PCDHA3: variants seen among roughly 807,000 people sequenced by gnomAD.
The protein encoded by PCDHA3 is protocadherin alpha-3.
A neutral mutation model predicts 62.2 loss-of-function variants in PCDHA3; 41 were observed. The ratio of observed to expected loss-of-function variants is 0.66; its 90% CI spans 0.51 to 0.86. The LOEUF (loss-of-function observed/expected upper bound fraction) is 0.86. PCDHA3 is among the 40% of genes least tolerant of loss of function. The pLI, the probability that PCDHA3 is intolerant of heterozygous loss-of-function variation, is 0.00. For synonymous variants in PCDHA3, 640 were observed against 555.4 expected (o/e 1.15, Z -2.14); for missense variants, 1,304 against 1,241.2 (o/e 1.05, Z -0.76).
At chr5:140,880,877 A>G (rs1399131370) in intron 1 of PCDHA3, among the ~76,000 whole-genome samples, 8 of 152,232 alleles carry the variant, frequency 5.3e-5, no homozygotes, top group Non-Finnish European at 8.8e-5. Context: ...GAGGTAAATA[A>G]AGAAATGTAG....
intron 1 of PCDHA3, among the ~76,000 whole-genome samples, chr5:140,947,169 G>GTA (rs1235035694): frequency 1.3e-5 from 2 of 150,968 alleles, no homozygotes; most frequent in Non-Finnish European, 3.0e-5. Context: ...AGAAAATGTG[G>GTA]TATATATTCA....
intron 3 of PCDHA3, among the ~76,000 whole-genome samples, chr5:141,001,306 A>C (rs1554258083): frequency 6.6e-6 from 1 of 152,174 alleles, no homozygotes; most frequent in African/African-American, 2.4e-5. Context: ...CAGAGATATG[A>C]AATAATTTGC....
intron 1 of PCDHA3, chr5:140,928,165 C>G: frequency 6.2e-7 from 1 of 1,614,200 alleles, no homozygotes; most frequent in Non-Finnish European, 8.5e-7. Context: ...CTCACCCCCA[C>G]TTAGCACCCG....
At chr5:140,808,617 T>G in intron 1 of PCDHA3, 1 of 1,613,786 alleles carries the variant, frequency 6.2e-7, no homozygotes, top group South Asian at 1.1e-5. Context: ...ATCTTCACTG[T>G]GTCTGCGTGG....
At chr5:141,000,421 A>ATATTT (rs1265241806) in intron 3 of PCDHA3, among the ~76,000 whole-genome samples, 4 of 27,980 alleles carry the variant, frequency 1.4e-4, no homozygotes, top group Non-Finnish European at 1.1e-4. Context: ...ATATATATAT[A>ATATTT]TTTTTTTTTT....
intron 1 of PCDHA3, chr5:140,808,058 T>A: frequency 3.7e-6 from 6 of 1,613,892 alleles, no homozygotes; most frequent in Non-Finnish European, 5.1e-6. Flanking sequence ...AAATGTGAAA[T>A]CCAAGTTTCA....
At chr5:140,879,910 T>C (rs2058174335) in intron 1 of PCDHA3, among the ~76,000 whole-genome samples, 1 of 152,194 alleles carries the variant, frequency 6.6e-6, no homozygotes, top group Non-Finnish European at 1.5e-5. Context: ...TCTCTATGTG[T>C]TGGTTTTACA....
At chr5:140,841,846 T>C (rs2150323998) in intron 1 of PCDHA3, 5 of 1,613,898 alleles carry the variant, frequency 3.1e-6, no homozygotes, top group Non-Finnish European at 4.2e-6. Context: ...TTAGCTCTCA[T>C]GATTACTTCA....
intron 1 of PCDHA3, among the ~76,000 whole-genome samples, chr5:140,899,340 C>T (rs1199833845): frequency 6.6e-6 from 1 of 152,062 alleles, no homozygotes; most frequent in Non-Finnish European, 1.5e-5. Flanking sequence ...TCATAGATAG[C>T]TCTTATTATT....
At chr5:140,990,272 C>T (rs568200508) in intron 3 of PCDHA3, among the ~76,000 whole-genome samples, 12 of 152,196 alleles carry the variant, frequency 7.9e-5, no homozygotes, top group African/African-American at 1.4e-4. Flanking sequence ...CAATGTACCC[C>T]GGGTCTTGAG....
intron 1 of PCDHA3, chr5:140,823,603 C>A (rs2150127370): frequency 1.2e-6 from 2 of 1,614,048 alleles, no homozygotes; most frequent in South Asian, 2.2e-5. Context: ...TTCGTATGAG[C>A]TGCAGCCAGC....
chr5:140,816,075 T>C (rs1464716932), intron 1 of PCDHA3: 1 of 152,232 alleles, frequency 6.6e-6, no homozygotes, highest in African/African-American at 2.4e-5. Context: ...AGATGTAATT[T>C]TAAAAAATAA....
intron 1 of PCDHA3, chr5:140,876,192 G>C: frequency 6.2e-7 from 1 of 1,613,850 alleles, no homozygotes; most frequent in Non-Finnish European, 8.5e-7. Flanking sequence ...ACAATGGTCC[G>C]GCGTTTGATA....
At chr5:140,990,011 G>T (rs1246081885) in intron 3 of PCDHA3, among the ~76,000 whole-genome samples, 1 of 152,074 alleles carries the variant, frequency 6.6e-6, no homozygotes, top group Non-Finnish European at 1.5e-5. Context: ...CAAGGGCGTG[G>T]GCTAGGCAAA....
At chr5:140,957,339 TGAGA>T (rs2095352193) in intron 1 of PCDHA3, among the ~76,000 whole-genome samples, 1 of 152,152 alleles carries the variant, frequency 6.6e-6, no homozygotes, top group African/African-American at 2.4e-5. Context: ...TAAGATATTT[TGAGA>T]GAGAGACCAC....
rs181858092 is a variant in PCDHA3 at position 140,895,275 on chromosome 5, A to G, written c.2395-83674A>G. The stretch of plus-strand genomic sequence containing the variant: ...TTTCTTTTTTTTCTTACTCAGGGAT[A>G]ATTGAATTAGGACCTTCGATTTCCC... On this transcript the variant is annotated intron_variant, in intron 1 of 3. Transcript: ENST00000522353. 2.0e-5 allele frequency among the ~76,000 whole-genome samples: 3 copies of G among 152,146 alleles called. No individual in the cohort carries two copies. The East Asian group carries it at 5.8e-4, about 29-fold the overall frequency.
intron 1 of PCDHA3, chr5:140,862,749 G>C: frequency 1.7e-6 from 1 of 579,636 alleles, no homozygotes; most frequent in Non-Finnish European, 3.3e-6. Flanking sequence ...GGGTGCACGC[G>C]GAGAGCGGCA....
chr5:140,967,817 G>A, intron 1 of PCDHA3: 1 of 1,614,182 alleles, frequency 6.2e-7, no homozygotes. Context: ...TCACTGCAAG[G>A]TGCTGGTGGA....
At chr5:140,805,945 A>G (rs930683967) in intron 1 of PCDHA3, among the ~76,000 whole-genome samples, 3 of 152,244 alleles carry the variant, frequency 2.0e-5, no homozygotes, top group African/African-American at 4.8e-5. Flanking sequence ...CCTCTGAGCT[A>G]TTAAACAATT....
Sources: gnomAD v4.1 joint callset for allele counts (sites outside exome capture counted in the v4.1 genomes callset) on GRCh38, gnomAD v4.1.1 for gene constraint, MANE v1.5 for transcripts, NCBI Gene and HGNC (gene_info 2026-07-23, HGNC 2026-07-21) for gene names.